The following DMD variants were observed in gnomAD, a reference collection of about 807,000 sequenced individuals.
DMD encodes the protein dystrophin.
In DMD, 63 loss-of-function variants were observed where a neutral mutation model predicts 330.1. That is an observed-to-expected ratio of 0.19 (90% CI 0.16 to 0.24). DMD has a LOEUF of 0.24. DMD is among the 10% of genes least tolerant of loss of function. DMD has a pLI of 1.00. For missense variants in DMD, 3,344 were observed against 2,684.1 expected, an observed-to-expected ratio of 1.25 and a Z score of -5.43; for synonymous variants, 1,223 against 959.8, an observed-to-expected ratio of 1.27 and a Z score of -5.07.
intron 18 of DMD, 162 bp downstream of exon 18, chrX:32,517,846 C>T: frequency 1.7e-6 from 1 of 601,704 alleles, no homozygotes; most frequent in Non-Finnish European, 2.6e-6. Context: ...CTAGGCTAAA[C>T]TTTGATTTTG....
At chrX:32,333,876 G>A (rs755543910) in intron 41 of DMD, among the ~76,000 whole-genome samples, 48 of 111,845 alleles carry the variant, frequency 4.3e-4, no homozygotes, top group Admixed American at 3.5e-3. Context: ...TCAGTTTCAC[G>A]TAAGATGATT....
intron 44 of DMD, among the ~76,000 whole-genome samples, chrX:32,046,144 A>G (rs1163952148): frequency 8.9e-6 from 1 of 112,732 alleles, no homozygotes; most frequent in Non-Finnish European, 1.9e-5. Flanking sequence ...CATTAAACAA[A>G]TAGAAATTTT....
chrX:33,282,477 A>G (rs2053351047), intron 1 of DMD, among the ~76,000 whole-genome samples: 2 of 111,564 alleles, frequency 1.8e-5, no homozygotes, highest in Non-Finnish European at 1.9e-5. Context: ...TTAGAGTGGT[A>G]AAATCCCTTG....
chrX:31,692,512 C>T (rs1458418091), intron 52 of DMD, among the ~76,000 whole-genome samples: 1 of 111,205 alleles, frequency 9.0e-6, no homozygotes, highest in African/African-American at 3.3e-5. Flanking sequence ...ACACAATTGA[C>T]AAATCCTTAG....
intron 61 of DMD, among the ~76,000 whole-genome samples, chrX:31,334,629 T>C (rs772102131): frequency 2.7e-5 from 3 of 112,091 alleles, no homozygotes; most frequent in South Asian, 7.6e-4. Context: ...TGTTAATAAA[T>C]ATAGGAATGA....
intron 2 of DMD, among the ~76,000 whole-genome samples, chrX:32,993,785 T>C (rs942918888): frequency 9.0e-6 from 1 of 110,632 alleles, no homozygotes; most frequent in Non-Finnish European, 1.9e-5. Flanking sequence ...GTGAACAATG[T>C]AGGGGAGAAA....
chrX:31,146,265 A>G (rs1316367792), intron 76 of DMD, 26 bp downstream of exon 76: 28 of 1,206,114 alleles, frequency 2.3e-5, no homozygotes, highest in Non-Finnish European at 3.0e-5. Flanking sequence ...CAGACAACAA[A>G]ATCTGAGAGT....
At chrX:33,002,839 AT>A (rs1402422607) in intron 2 of DMD, among the ~76,000 whole-genome samples, 2 of 66,991 alleles carry the variant, frequency 3.0e-5, no homozygotes, top group African/African-American at 1.2e-4. Context: ...AATGTGTGAT[AT>A]TTTTTTCTCG....
At chrX:32,542,743 C>T (rs758902407) in intron 17 of DMD, among the ~76,000 whole-genome samples, 2 of 112,069 alleles carry the variant, frequency 1.8e-5, no homozygotes, top group Non-Finnish European at 3.8e-5. Context: ...ACCCTGTAGA[C>T]AATTATCAAT....
intron 7 of DMD, among the ~76,000 whole-genome samples, chrX:32,734,638 A>G (rs2148089222): frequency 9.3e-6 from 1 of 107,859 alleles, no homozygotes; most frequent in African/African-American, 3.5e-5. Context: ...GTAATCCAGC[A>G]TATAAACAGA....
intron 60 of DMD, among the ~76,000 whole-genome samples, chrX:31,349,978 GAA>G (rs2058303240): frequency 1.8e-5 from 2 of 111,579 alleles, no homozygotes; most frequent in African/African-American, 6.5e-5. Context: ...TGTATATCCA[GAA>G]CAATCTCATT....
At chrX:32,628,187 C>A (rs1247307767) in intron 11 of DMD, among the ~76,000 whole-genome samples, 1 of 105,957 alleles carries the variant, frequency 9.4e-6, no homozygotes, top group Admixed American at 1.0e-4. Context: ...CCACTGCCCC[C>A]GACCCACTAG....
At chrX:33,017,812 C>T (rs1012374150) in intron 2 of DMD, among the ~76,000 whole-genome samples, 1 of 111,498 alleles carries the variant, frequency 9.0e-6, no homozygotes, top group Non-Finnish European at 1.9e-5. Flanking sequence ...CCAAAAACTC[C>T]CAAATAACTG....
At chrX:31,961,421 G>C (rs1055476701) in intron 45 of DMD, among the ~76,000 whole-genome samples, 24 of 111,795 alleles carry the variant, frequency 2.1e-4, no homozygotes, top group African/African-American at 7.5e-4. Flanking sequence ...GTACTTACTG[G>C]CCATCTACAA....
chrX:32,802,308 T>C (rs1410079211), intron 7 of DMD, among the ~76,000 whole-genome samples: 2 of 111,994 alleles, frequency 1.8e-5, no homozygotes, highest in Non-Finnish European at 3.8e-5. Context: ...TGGCTGTTTA[T>C]TATCGGTGTA....
At chrX:32,867,024 G>A (rs189575789) in intron 2 of DMD, among the ~76,000 whole-genome samples, 222 of 111,439 alleles carry the variant, frequency 2.0e-3, no homozygotes, top group African/African-American at 7.0e-3. Context: ...CTGAACCACC[G>A]TACCCGGCCA....
intron 2 of DMD, among the ~76,000 whole-genome samples, chrX:32,960,934 AAAAAG>A (rs2147036116): frequency 9.1e-6 from 1 of 110,030 alleles, no homozygotes; most frequent in African/African-American, 3.3e-5. Flanking sequence ...AAAAAAAAAA[AAAAAG>A]GTCAATTTAA....
intron 15 of DMD, among the ~76,000 whole-genome samples, chrX:32,567,406 TTTTTG>T (rs962709603): frequency 1.1e-4 from 12 of 111,862 alleles, no homozygotes; most frequent in African/African-American, 3.9e-4. Context: ...TGGTTTTTCT[TTTTTG>T]TTTTGAGTTG....
At chrX:32,112,557 T>A (rs933793174) in intron 44 of DMD, among the ~76,000 whole-genome samples, 1 of 111,399 alleles carries the variant, frequency 9.0e-6, no homozygotes, top group African/African-American at 3.3e-5. Context: ...GACATCATGG[T>A]AATGGTAAGG....
Sources: allele counts gnomAD v4.1 joint callset (sites outside exome capture counted in the v4.1 genomes callset), GRCh38; gene constraint gnomAD v4.1.1; transcripts MANE v1.5; gene names NCBI Gene and HGNC (gene_info 2026-07-23, HGNC 2026-07-21).